The following MGMT variants were observed in gnomAD, a reference collection of about 807,000 sequenced individuals.
MGMT encodes the protein methylated-DNA--protein-cysteine methyltransferase.
Under a neutral mutation model 15.9 loss-of-function variants are expected in MGMT, and 14 were observed. That is an observed-to-expected ratio of 0.88 (90% CI 0.58 to 1.37). The LOEUF (loss-of-function observed/expected upper bound fraction) is 1.37, where lower values mean the gene tolerates loss of function less well. Ranked by LOEUF, MGMT falls within the 40% of genes most tolerant of loss-of-function variation. The pLI, the probability that MGMT is intolerant of heterozygous loss-of-function variation, is 0.00. For missense variants in MGMT, 282 were observed against 268.1 expected (o/e 1.05, Z -0.36); for synonymous variants, 130 against 118.2 (o/e 1.10, Z -0.65).
intron 2 of MGMT, among the ~76,000 whole-genome samples, chr10:129,688,961 C>T (rs1470786539): frequency 6.6e-6 from 1 of 151,420 alleles, no homozygotes; most frequent in Non-Finnish European, 1.5e-5. Flanking sequence ...TCTTTTCTAT[C>T]TTTTGTTTGT....
intron 2 of MGMT, among the ~76,000 whole-genome samples, chr10:129,676,270 C>T (rs569805455): frequency 6.6e-6 from 1 of 152,324 alleles, no homozygotes; most frequent in Admixed American, 6.5e-5. Flanking sequence ...CCTTCATTTC[C>T]TTGGTAATGG....
intron 2 of MGMT, among the ~76,000 whole-genome samples, chr10:129,640,194 T>C (rs1847312817): frequency 6.6e-6 from 1 of 151,064 alleles, no homozygotes; most frequent in Non-Finnish European, 1.5e-5. Flanking sequence ...TCCTCCCGGG[T>C]TCAAGTGATT....
intron 2 of MGMT, among the ~76,000 whole-genome samples, chr10:129,543,264 G>A (rs75212183): frequency 0.076 from 11,565 of 151,962 alleles, 664 homozygotes; most frequent in East Asian, 0.29. Flanking sequence ...AGGGTATGGC[G>A]TGAAAACCCT....
chr10:129,520,751 G>A (rs1845797385), intron 1 of MGMT, among the ~76,000 whole-genome samples: 1 of 149,770 alleles, frequency 6.7e-6, no homozygotes, highest in African/African-American at 2.5e-5. Flanking sequence ...CCCCTACGGT[G>A]AGGGTGCAGA....
At chr10:129,711,995 G>A (rs866114716) in intron 3 of MGMT, among the ~76,000 whole-genome samples, 2 of 152,190 alleles carry the variant, frequency 1.3e-5, no homozygotes, top group African/African-American at 2.4e-5. Flanking sequence ...GTAGGGGTCA[G>A]CAGCCAATGC....
chr10:129,499,040 G>T (rs1845550444), intron 1 of MGMT, among the ~76,000 whole-genome samples: 1 of 152,188 alleles, frequency 6.6e-6, no homozygotes. Context: ...CTTTGTAGCT[G>T]CCTTCTCCAA....
intron 2 of MGMT, among the ~76,000 whole-genome samples, chr10:129,682,942 G>A (rs1347236176): frequency 3.3e-5 from 5 of 152,130 alleles, no homozygotes; most frequent in South Asian, 2.1e-4. Flanking sequence ...TTCATCTCCC[G>A]GGTTCAAGCG....
At chr10:129,624,093 C>G (rs908454202) in intron 2 of MGMT, among the ~76,000 whole-genome samples, 2 of 152,278 alleles carry the variant, frequency 1.3e-5, no homozygotes, top group Non-Finnish European at 2.9e-5. Flanking sequence ...ACACGCTCAG[C>G]GCCTGCGCGA....
rs1046137483 is a variant in MGMT, at chr10:129,770,836, G to A, written c.*3839G>A. Reference sequence around the variant, plus strand: ...GTCTGCATGTCTTCTTGTTGCCATCGGGGCAGTGGAGTCCCCGGAAACAGT... The same window carrying A: ...GTCTGCATGTCTTCTTGTTGCCATCAGGGCAGTGGAGTCCCCGGAAACAGT... On this transcript the variant is annotated 3_prime_UTR_variant, in exon 5 of 5. Transcript: ENST00000651593. Among the ~76,000 whole-genome samples the A allele has an allele frequency of 3.3e-5, 5 of 151,930 alleles. No homozygotes were observed. Among genetic ancestry groups the A allele is most frequent in the Non-Finnish European group, 5.9e-5 (4 of 68,014 alleles).
At chr10:129,467,495 T>A (rs1007019206) in intron 1 of MGMT, 199 bp downstream of exon 1, 1 of 909,278 alleles carries the variant, frequency 1.1e-6, no homozygotes, top group African/African-American at 1.8e-5. Context: ...GGCCTGGGGT[T>A]CCTGGACTAG....
At chr10:129,469,227 T>G (rs1845203831) in intron 1 of MGMT, among the ~76,000 whole-genome samples, 1 of 152,198 alleles carries the variant, frequency 6.6e-6, no homozygotes, top group African/African-American at 2.4e-5. Flanking sequence ...CTTCCCACCC[T>G]TTCTTAGGAC....
chr10:129,621,556 G>A (rs1422377232), intron 2 of MGMT, among the ~76,000 whole-genome samples: 2 of 152,178 alleles, frequency 1.3e-5, no homozygotes, highest in East Asian at 1.9e-4. Context: ...GAACAGGGAC[G>A]CACGAGTGGG....
intron 2 of MGMT, among the ~76,000 whole-genome samples, chr10:129,639,115 A>T (rs1254201055): frequency 1.3e-5 from 2 of 152,212 alleles, no homozygotes; most frequent in African/African-American, 4.8e-5. Flanking sequence ...AAACCTTTTA[A>T]AAAGCAGAAG....
chr10:129,523,862 AG>A (rs1845840152), intron 1 of MGMT, among the ~76,000 whole-genome samples: 1 of 152,180 alleles, frequency 6.6e-6, no homozygotes, highest in Admixed American at 6.5e-5. Context: ...GCTTGTCAGA[AG>A]CCAGGCGTCC....
chr10:129,738,416 C>T lies in MGMT; in HGVS notation c.275-20786C>T, dbSNP rs143955981. On this transcript the variant is annotated intron_variant, in intron 3 of 4. Coordinates refer to ENST00000651593, the MANE Select transcript of MGMT (RefSeq NM_002412.5). ...CAATGCCTCGCCCTGCTTTGGCTCG[C>T]GCACGGTGCACGCACCCACTGACCT... is the stretch of plus-strand genomic sequence containing the variant. Among the ~76,000 whole-genome samples the T allele has an allele frequency of 3.0e-3, 460 of 152,338 alleles. 2 individuals are homozygous for T. Among genetic ancestry groups the T allele is most frequent in the African/African-American group, 0.011 (445 of 41,586 alleles).
intron 2 of MGMT, among the ~76,000 whole-genome samples, chr10:129,615,298 G>A (rs1443732204): frequency 6.6e-6 from 1 of 152,168 alleles, no homozygotes. Flanking sequence ...CCCTGCTTGG[G>A]CAGACGCCTC....
At chr10:129,662,029 G>A (rs954195988) in intron 2 of MGMT, among the ~76,000 whole-genome samples, 4 of 152,146 alleles carry the variant, frequency 2.6e-5, no homozygotes, top group African/African-American at 9.7e-5. Flanking sequence ...TCCTGGGCCA[G>A]CTCTTCCCTG....
rs886506318 is a variant in MGMT at position 129,769,921 on chromosome 10, A to T, written c.*2924A>T. Among the ~76,000 whole-genome samples, 3 of 152,190 alleles carry T rather than the reference A, an allele frequency of 2.0e-5. No individual in the cohort carries two copies. The highest frequency in any genetic ancestry group is 2.9e-5 in the Non-Finnish European group (2 of 68,038). ...CTTAGGGGCATGAATTTGCACTTCCAGATGTGAAGGTTGCAGGCACCGGGC... is the reference window on the plus strand; with the variant it reads ...CTTAGGGGCATGAATTTGCACTTCCTGATGTGAAGGTTGCAGGCACCGGGC... On this transcript the variant is annotated 3_prime_UTR_variant, in exon 5 of 5. Transcript: ENST00000651593.
intron 1 of MGMT, among the ~76,000 whole-genome samples, chr10:129,497,909 C>A (rs900829614): frequency 6.6e-6 from 1 of 152,210 alleles, no homozygotes; most frequent in South Asian, 2.1e-4. Flanking sequence ...GCACCTTGAT[C>A]TTGGACTTCA....
Sources: gnomAD v4.1 joint callset for allele counts (sites outside exome capture counted in the v4.1 genomes callset) on GRCh38, gnomAD v4.1.1 for gene constraint, MANE v1.5 for transcripts, NCBI Gene and HGNC (gene_info 2026-07-23, HGNC 2026-07-21) for gene names.